Variants in EXOC6B observed in about 807,000 individuals in gnomAD.
EXOC6B encodes exocyst complex component 6B.
EXOC6B carries 54 observed loss-of-function variants against 113.5 expected under a neutral mutation model. The ratio of observed to expected loss-of-function variants is 0.48; its 90% CI spans 0.38 to 0.60. The LOEUF (loss-of-function observed/expected upper bound fraction) is 0.60, where lower values mean the gene tolerates loss of function less well. Among genes scored for constraint, EXOC6B ranks in the 20% least tolerant of loss-of-function variants. The pLI is 0.00. For synonymous variants in EXOC6B, 357 were observed against 339.0 expected (o/e 1.05, Z -0.58); for missense variants, 797 against 977.5 (o/e 0.82, Z 2.46).
chr2:72,413,006 T>G (rs1694277337), intron 18 of EXOC6B, among the ~76,000 whole-genome samples: 1 of 152,040 alleles, frequency 6.6e-6, no homozygotes, highest in Admixed American at 6.6e-5. Context: ...TCACCCAGGC[T>G]GGAGTGCAGT....
At chr2:72,386,378 A>G (rs1043995934) in intron 18 of EXOC6B, among the ~76,000 whole-genome samples, 2 of 152,210 alleles carry the variant, frequency 1.3e-5, no homozygotes, top group Non-Finnish European at 2.9e-5. Context: ...AATCTGCATA[A>G]CTAAAAGGAA....
chr2:72,751,752 A>G (rs1682057199), intron 1 of EXOC6B, among the ~76,000 whole-genome samples: 1 of 152,172 alleles, frequency 6.6e-6, no homozygotes, highest in African/African-American at 2.4e-5. Context: ...AAAGAAGAGA[A>G]TGGAGAATAC....
intron 5 of EXOC6B, chr2:72,721,964 A>C (rs555989698): frequency 4.8e-4 from 73 of 151,414 alleles, no homozygotes; most frequent in African/African-American, 1.7e-3. Flanking sequence ...TTCATGCATC[A>C]ACCTGGCATT....
At chr2:72,179,600 GC>G in intron 21 of EXOC6B, 139 bp from the exon 22 acceptor site, 1 of 975,418 alleles carries the variant, frequency 1.0e-6, no homozygotes, top group Non-Finnish European at 1.6e-6. Context: ...CCACTGTCAG[GC>G]CCACACTCAC....
chr2:72,650,671 A>G (rs1674099958), intron 6 of EXOC6B, among the ~76,000 whole-genome samples: 1 of 152,092 alleles, frequency 6.6e-6, no homozygotes, highest in Non-Finnish European at 1.5e-5. Context: ...TAAAAGACAT[A>G]GAAATATATT....
intron 7 of EXOC6B, among the ~76,000 whole-genome samples, chr2:72,570,263 C>G (rs1704437665): frequency 6.6e-6 from 1 of 152,140 alleles, no homozygotes; most frequent in South Asian, 2.1e-4. Context: ...TTAGGAGAAA[C>G]TAACCCTGGT....
intron 20 of EXOC6B, among the ~76,000 whole-genome samples, chr2:72,323,598 A>G (rs937091291): frequency 5.9e-5 from 9 of 152,186 alleles, no homozygotes; most frequent in East Asian, 5.8e-4. Flanking sequence ...ATGTCCATCA[A>G]TGATAGACTG....
chr2:72,387,501 T>G (rs1349736838), intron 18 of EXOC6B, among the ~76,000 whole-genome samples: 2 of 152,168 alleles, frequency 1.3e-5, no homozygotes, highest in Non-Finnish European at 2.9e-5. Flanking sequence ...ATTCAAATTC[T>G]TTATTACAAA....
chr2:72,192,306 G>A (rs1678897218), intron 20 of EXOC6B, among the ~76,000 whole-genome samples: 1 of 152,188 alleles, frequency 6.6e-6, no homozygotes, highest in Non-Finnish European at 1.5e-5. Context: ...GCCAGATGGT[G>A]GGAGAGACTT....
intron 18 of EXOC6B, among the ~76,000 whole-genome samples, chr2:72,397,951 GA>G: frequency 6.6e-6 from 1 of 152,152 alleles, no homozygotes; most frequent in East Asian, 1.9e-4. Context: ...TGGGGCACAA[GA>G]AAAAAATACT....
intron 19 of EXOC6B, among the ~76,000 whole-genome samples, chr2:72,342,897 G>A (rs1379709594): frequency 3.3e-5 from 5 of 152,088 alleles, no homozygotes; most frequent in South Asian, 2.1e-4. Context: ...AATGAAATCA[G>A]TATCTCAAAG....
chr2:72,353,608 A>G (rs1689795141), intron 19 of EXOC6B, among the ~76,000 whole-genome samples: 1 of 152,014 alleles, frequency 6.6e-6, no homozygotes, highest in Non-Finnish European at 1.5e-5. Context: ...TCCTGACCTC[A>G]AGTGATCCGA....
chr2:72,589,117 G>C (rs1399215275), intron 6 of EXOC6B, among the ~76,000 whole-genome samples: 1 of 137,794 alleles, frequency 7.3e-6, no homozygotes, highest in Admixed American at 7.8e-5. Flanking sequence ...GTGTAATCTT[G>C]TGTCATTTTA....
intron 8 of EXOC6B, among the ~76,000 whole-genome samples, chr2:72,549,799 G>T (rs1331289690): frequency 1.3e-5 from 2 of 152,148 alleles, no homozygotes; most frequent in Admixed American, 1.3e-4. Context: ...TAAAACCCTG[G>T]GAACAATGAA....
intron 13 of EXOC6B, 52 bp downstream of exon 13, chr2:72,498,402 G>T: frequency 7.8e-7 from 1 of 1,281,144 alleles, no homozygotes; most frequent in Non-Finnish European, 1.1e-6. Context: ...ATACATGTGT[G>T]TACACTAATG....
chr2:72,582,113 C>T (rs541697860), intron 6 of EXOC6B, among the ~76,000 whole-genome samples: 9 of 151,994 alleles, frequency 5.9e-5, no homozygotes, highest in South Asian at 4.2e-4. Context: ...AAAGACCCTG[C>T]CCAACATTCT....
chr2:72,773,471 A>C (rs944397042), intron 1 of EXOC6B, among the ~76,000 whole-genome samples: 2 of 151,322 alleles, frequency 1.3e-5, no homozygotes, highest in African/African-American at 4.9e-5. Flanking sequence ...AAAGGCAACT[A>C]TGTGAGTTGA....
At chr2:72,291,546 C>G (rs925194905) in intron 20 of EXOC6B, among the ~76,000 whole-genome samples, 5 of 152,144 alleles carry the variant, frequency 3.3e-5, no homozygotes, top group Non-Finnish European at 7.4e-5. Context: ...CAGTGACAGC[C>G]TCTTTTAGGT....
chr2:72,570,182 T>G (rs1704433906), intron 7 of EXOC6B, among the ~76,000 whole-genome samples: 1 of 152,058 alleles, frequency 6.6e-6, no homozygotes, highest in Non-Finnish European at 1.5e-5. Flanking sequence ...AAAAAGAGGA[T>G]GTAAGCAAAG....
Sources: allele counts gnomAD v4.1 joint callset (sites outside exome capture counted in the v4.1 genomes callset), GRCh38; gene constraint gnomAD v4.1.1; transcripts MANE v1.5; gene names NCBI Gene and HGNC (gene_info 2026-07-23, HGNC 2026-07-21).